The following TMEM181 variants were observed in gnomAD, a reference collection of about 807,000 sequenced individuals.
TMEM181 encodes the protein G protein-coupled receptor 178.
TMEM181 carries 39 observed loss-of-function variants against 71.9 expected under a neutral mutation model. That is an observed-to-expected ratio of 0.54 (90% CI 0.42 to 0.71). The LOEUF (loss-of-function observed/expected upper bound fraction) is 0.71, where lower values mean the gene tolerates loss of function less well. Ranked by LOEUF, TMEM181 falls within the 30% of genes least tolerant of loss-of-function variation. The pLI is 0.00. For missense variants in TMEM181, 595 were observed against 583.0 expected, an observed-to-expected ratio of 1.02 and a Z score of -0.21; for synonymous variants, 245 against 228.8, an observed-to-expected ratio of 1.07 and a Z score of -0.64.
intron 10 of TMEM181, among the ~76,000 whole-genome samples, chr6:158,615,194 T>A (rs1562309599): frequency 6.6e-6 from 1 of 152,182 alleles, no homozygotes; most frequent in Non-Finnish European, 1.5e-5. Context: ...CTGGTGTGAG[T>A]TGATATCTCA....
intron 6 of TMEM181, among the ~76,000 whole-genome samples, chr6:158,599,184 TAA>T (rs1229580735): frequency 6.6e-5 from 10 of 152,204 alleles, no homozygotes; most frequent in Non-Finnish European, 1.3e-4. Flanking sequence ...ATATTTTTGT[TAA>T]AGTCACTTAT....
intron 6 of TMEM181, among the ~76,000 whole-genome samples, chr6:158,596,167 G>T (rs1391748771): frequency 6.6e-6 from 1 of 152,074 alleles, no homozygotes; most frequent in Non-Finnish European, 1.5e-5. Context: ...TGATCCGCCC[G>T]CCTAGTCTCC....
At chr6:158,571,257 C>T (rs562200970) in intron 1 of TMEM181, among the ~76,000 whole-genome samples, 85 of 152,156 alleles carry the variant, frequency 5.6e-4, no homozygotes, top group Middle Eastern at 6.8e-3. Flanking sequence ...CCACCGCGCC[C>T]GGCTAATTTT....
chr6:158,589,083 G>T (rs1051243879), intron 5 of TMEM181, among the ~76,000 whole-genome samples: 3 of 152,198 alleles, frequency 2.0e-5, no homozygotes, highest in African/African-American at 7.2e-5. Flanking sequence ...CAAAAGGAAG[G>T]GCTCTTGTCA....
intron 1 of TMEM181, among the ~76,000 whole-genome samples, chr6:158,541,630 C>G (rs1254195411): frequency 1.3e-5 from 2 of 152,160 alleles, no homozygotes; most frequent in East Asian, 3.9e-4. Flanking sequence ...TCCATGCTGG[C>G]CAACCGTCCT....
At chr6:158,607,401 C>T in intron 8 of TMEM181, 58 bp downstream of exon 8, 1 of 1,516,966 alleles carries the variant, frequency 6.6e-7, no homozygotes, top group South Asian at 1.1e-5. Context: ...AGCTGGAGGC[C>T]AGGTGCAGGG....
chr6:158,562,936 A>G (rs1782269619), intron 1 of TMEM181, among the ~76,000 whole-genome samples: 1 of 152,140 alleles, frequency 6.6e-6, no homozygotes, highest in Non-Finnish European at 1.5e-5. Flanking sequence ...AAGACAAGTG[A>G]GTTTTTCAAG....
intron 2 of TMEM181, among the ~76,000 whole-genome samples, chr6:158,575,502 G>C (rs1342561764): frequency 6.6e-6 from 1 of 152,158 alleles, no homozygotes; most frequent in Non-Finnish European, 1.5e-5. Context: ...ATTTTTAGTA[G>C]AGACAGGGTT....
At chr6:158,536,875 G>A in intron 1 of TMEM181, 1 of 1,348,844 alleles carries the variant, frequency 7.4e-7, no homozygotes, top group Non-Finnish European at 9.6e-7. Context: ...GGTGGGCGCG[G>A]CGCGGGCAGC....
chr6:158,559,217 C>T (rs1401153792), upstream of TMEM181, among the ~76,000 whole-genome samples: 1 of 152,146 alleles, frequency 6.6e-6, no homozygotes, highest in Non-Finnish European at 1.5e-5. Context: ...GGCACCCTTC[C>T]TCACTGTAGC....
chr6:158,588,375 G>C (rs1057025873), intron 5 of TMEM181, among the ~76,000 whole-genome samples: 4 of 152,152 alleles, frequency 2.6e-5, no homozygotes, highest in African/African-American at 4.8e-5. Context: ...CCTTGCCTTA[G>C]GTCAGCACCC....
intron 10 of TMEM181, among the ~76,000 whole-genome samples, chr6:158,615,173 T>C (rs1332893856): frequency 1.3e-5 from 2 of 152,226 alleles, no homozygotes; most frequent in Non-Finnish European, 2.9e-5. Flanking sequence ...TTTTAATGAT[T>C]GCCATTCTAA....
chr6:158,555,352 C>A (rs1781846107), upstream of TMEM181, among the ~76,000 whole-genome samples: 1 of 152,124 alleles, frequency 6.6e-6, no homozygotes, highest in Non-Finnish European at 1.5e-5. Flanking sequence ...ACTTCCATTA[C>A]CCCAAACAAT....
Position 158,605,130 on chromosome 6 carries a change from A to AGTGTG in TMEM181, c.493-137_493-136insGTGTG, listed in dbSNP as rs1562302773. On this transcript the variant is annotated intron_variant, in intron 6 of 16. Transcript: ENST00000684151. ...CTCCATATCCAAAAAAAAAAAAAAAAAGTGTGTGTGTGTGTGTGTGTGTGT... is the reference window on the plus strand; with the variant it reads ...CTCCATATCCAAAAAAAAAAAAAAAAGTGTGAGTGTGTGTGTGTGTGTGTGTGTGT... The AGTGTG allele has an allele frequency of 8.1e-4, 171 of 210,980 alleles. 1 individual carries two copies. Among genetic ancestry groups the AGTGTG allele is most frequent in the South Asian group, 1.5e-3 (29 of 19,134 alleles). 13.1% of individuals were successfully genotyped at this position (210,980 alleles called of 1,614,324 possible). A position where few individuals can be genotyped will look rare whatever the true frequency, so the allele number is the denominator to read the frequency against.
chr6:158,628,595 G>C, intron 14 of TMEM181, 105 bp downstream of exon 14: 3 of 975,606 alleles, frequency 3.1e-6, no homozygotes, highest in South Asian at 3.0e-5. Flanking sequence ...TCAGCTCCTC[G>C]CGCCCTGTTC....
At chr6:158,631,415 G>GT in intron 16 of TMEM181, 26 bp downstream of exon 16, 3 of 1,612,184 alleles carry the variant, frequency 1.9e-6, no homozygotes, top group Non-Finnish European at 2.5e-6. Flanking sequence ...TTAGAAGGCC[G>GT]GCACACCTTG....
At chr6:158,574,666 T>C (rs1264035662) in intron 2 of TMEM181, among the ~76,000 whole-genome samples, 1 of 152,128 alleles carries the variant, frequency 6.6e-6, no homozygotes, top group Non-Finnish European at 1.5e-5. Context: ...CATCCCCTTC[T>C]TTCTTTCCAT....
chr6:158,616,652 A>G (rs1785632068), intron 10 of TMEM181, among the ~76,000 whole-genome samples: 1 of 152,200 alleles, frequency 6.6e-6, no homozygotes, highest in Admixed American at 6.5e-5. Flanking sequence ...ATTTTGAGAT[A>G]CGTCCCATCA....
intron 10 of TMEM181, among the ~76,000 whole-genome samples, chr6:158,621,017 C>T (rs1785924728): frequency 3.3e-5 from 5 of 152,178 alleles, no homozygotes; most frequent in Admixed American, 3.3e-4. Context: ...CTGTGTGTCT[C>T]TTTGTCTTGC....
Sources: gnomAD v4.1 joint callset for allele counts (sites outside exome capture counted in the v4.1 genomes callset) on GRCh38, gnomAD v4.1.1 for gene constraint, MANE v1.5 for transcripts, NCBI Gene and HGNC (gene_info 2026-07-23, HGNC 2026-07-21) for gene names.